The following GLP1R variants were observed in gnomAD, a reference collection of about 807,000 sequenced individuals.
The protein encoded by GLP1R is glucagon like peptide 1 receptor, also known as glucagon-like peptide 1 receptor.
A neutral mutation model predicts 68.4 loss-of-function variants in GLP1R; 32 were observed. The observed-to-expected ratio is 0.47, with a 90% CI of 0.35 to 0.63. GLP1R has a LOEUF of 0.63. GLP1R is among the 20% of genes least tolerant of loss of function. The pLI is 0.00. For missense variants in GLP1R, 502 were observed against 594.9 expected (o/e 0.84, Z 1.62); for synonymous variants, 263 against 244.4 (o/e 1.08, Z -0.71).
At chr6:39,076,373 C>T (rs1562015425) in intron 7 of GLP1R, among the ~76,000 whole-genome samples, 2 of 152,082 alleles carry the variant, frequency 1.3e-5, no homozygotes, top group South Asian at 2.1e-4. Context: ...CTCATAAAGG[C>T]CTGTTACTAA....
chr6:39,072,574 G>A (rs1029096740), intron 5 of GLP1R, among the ~76,000 whole-genome samples: 2 of 152,180 alleles, frequency 1.3e-5, no homozygotes, highest in African/African-American at 4.8e-5. Context: ...AAATCTCTTT[G>A]GTTATGCAAG....
In GLP1R at chr6:39,089,712, G is replaced by A. The variant is rs935266291; in HGVS notation, c.*3639G>A. On this transcript the variant is annotated 3_prime_UTR_variant, in exon 13 of 13. Coordinates refer to ENST00000373256, the MANE Select transcript of GLP1R (RefSeq NM_002062.5). The surrounding 1 kb of genome is among the most constrained non-coding windows in gnomAD (Gnocchi z 4.1). ...TGATGACTCCAGAATCATCACACCCGCTGTGCAGGTCATAGGACCGCACAC... is the reference window on the plus strand; with the variant it reads ...TGATGACTCCAGAATCATCACACCCACTGTGCAGGTCATAGGACCGCACAC... Among the ~76,000 whole-genome samples, 5 of 152,108 alleles carry A rather than the reference G, an allele frequency of 3.3e-5. No individual in the cohort carries two copies. Among genetic ancestry groups the A allele is most frequent in the South Asian group, 2.1e-4 (1 of 4,820 alleles).
At position 39,079,421 on chromosome 6, in the gene GLP1R, A is replaced by T; in HGVS notation, c.1044-143A>T. 1.1e-6 allele frequency: 1 copy of T among 904,692 alleles called. No individual in the cohort carries two copies. Among genetic ancestry groups the T allele is most frequent in the South Asian group, 1.7e-5 (1 of 58,188 alleles). The allele number at this position is 904,692 out of a possible 1,614,324, so 56.0% of individuals were successfully genotyped here. ...TGACCTCTATTCTTTCCCTCCAGGCAGCCTGTCCCAGGGTATTTGGGGTGG... is the reference window on the plus strand; with the variant it reads ...TGACCTCTATTCTTTCCCTCCAGGCTGCCTGTCCCAGGGTATTTGGGGTGG... On this transcript the variant is annotated intron_variant, in intron 10 of 12. Transcript: ENST00000373256. The surrounding 1 kb of genome is among the most constrained non-coding windows in gnomAD (Gnocchi z 4.5).
intron 3 of GLP1R, among the ~76,000 whole-genome samples, chr6:39,065,025 G>C (rs1190367240): frequency 6.6e-5 from 10 of 152,110 alleles, no homozygotes; most frequent in Admixed American, 6.5e-4. Context: ...TTTTTCTATG[G>C]GGGATCTCCA....
chr6:39,067,653 G>A lies in GLP1R; in HGVS notation c.509+1350G>A, dbSNP rs750144885. On this transcript the variant is annotated intron_variant, in intron 5 of 12. Coordinates refer to ENST00000373256, the MANE Select transcript of GLP1R (RefSeq NM_002062.5). ...GGAGTGACACAACATTCAAACCATA[G>A]CATTCTGCCCCTGGCCCCCCCAAAT... 2.1e-4 allele frequency among the ~76,000 whole-genome samples: 32 copies of A among 152,188 alleles called. 1 individual carries two copies. Among genetic ancestry groups the A allele is most frequent in the Admixed American group, 1.3e-4 (2 of 15,280 alleles).
Position 39,065,748 on chromosome 6 carries a change from A to C in GLP1R, c.321A>C (p.Glu107Asp), listed in dbSNP as rs1159561886. The change falls in exon 4 of 13, where the codon GAA becomes GAC. Residue 107 changes from glutamate (E) to aspartate (D), a missense_variant. Transcript: ENST00000373256. ...ACGTGTACCGGTTCTGCACAGCTGA[A>C]GGCCTCTGGCTGCAGAAGGACAACT... is the stretch of plus-strand genomic sequence containing the variant. ...QGHVYRFCTA[E>D]GLWLQKDNSS... 6.3e-7 allele frequency: 1 copy of C among 1,579,818 alleles called. No homozygotes were observed. The highest frequency in any genetic ancestry group is 1.8e-5 in the Admixed American group (1 of 54,552).
At chr6:39,081,277 TAAGGTG>T (rs1489964550) in intron 12 of GLP1R, among the ~76,000 whole-genome samples, 1 of 152,176 alleles carries the variant, frequency 6.6e-6, no homozygotes, top group East Asian at 1.9e-4. Flanking sequence ...GCCTTTTGGC[TAAGGTG>T]AAGTGTGGAA....
chr6:39,072,230 T>C (rs1768688685), intron 5 of GLP1R, among the ~76,000 whole-genome samples: 1 of 152,214 alleles, frequency 6.6e-6, no homozygotes, highest in South Asian at 2.1e-4. Context: ...TGCCTTATTA[T>C]AGTGGGCAGG....
At chr6:39,078,815 G>T in intron 8 of GLP1R, 142 bp from the exon 9 acceptor site, 1 of 728,800 alleles carries the variant, frequency 1.4e-6, no homozygotes, top group Admixed American at 1.9e-5. Flanking sequence ...GGGTCCATGG[G>T]ACTGGTTTTT....
intron 2 of GLP1R, 60 bp from the exon 3 acceptor site, chr6:39,057,411 GA>G: frequency 9.4e-7 from 1 of 1,066,898 alleles, no homozygotes; most frequent in Non-Finnish European, 1.4e-6. Flanking sequence ...TTGGGGAAGG[GA>G]GGGAAAGGGC....
At chr6:39,068,736 G>A (rs1768584107) in intron 5 of GLP1R, among the ~76,000 whole-genome samples, 1 of 152,030 alleles carries the variant, frequency 6.6e-6, no homozygotes, top group Non-Finnish European at 1.5e-5. Context: ...AGTGTAGGGA[G>A]CAGAGACAGG....
At chr6:39,073,116 G>A (rs1249152909) in intron 6 of GLP1R, 101 bp downstream of exon 6, 6 of 1,141,540 alleles carry the variant, frequency 5.3e-6, no homozygotes, top group Admixed American at 4.0e-5. Context: ...GACAAGAGCC[G>A]AACAGTCCTG....
At chr6:39,080,242 T>A (rs1415801219) in intron 11 of GLP1R, among the ~76,000 whole-genome samples, 1 of 152,200 alleles carries the variant, frequency 6.6e-6, no homozygotes, top group Non-Finnish European at 1.5e-5. Flanking sequence ...CATGTGTGTG[T>A]ATTTACATAC....
chr6:39,073,143 C>T, intron 6 of GLP1R, 128 bp downstream of exon 6: 1 of 825,828 alleles, frequency 1.2e-6, no homozygotes, highest in Non-Finnish European at 1.9e-6. Flanking sequence ...CGGGAGCCCC[C>T]AGTCTGATGG....
intron 5 of GLP1R, among the ~76,000 whole-genome samples, chr6:39,072,565 A>G (rs1413174525): frequency 2.6e-5 from 4 of 152,186 alleles, no homozygotes; most frequent in Non-Finnish European, 4.4e-5. Flanking sequence ...CTCATGCATA[A>G]ATCTCTTTGG....
At position 39,088,453 on chromosome 6, in the gene GLP1R, C is replaced by G. The variant is rs1321494962; in HGVS notation, c.*2380C>G. The stretch of plus-strand genomic sequence containing the variant: ...ATGCCTGATGCCTAATGCCATACGC[C>G]TGGAACTTGCTGAGAACTCTCGGCT... On this transcript the variant is annotated 3_prime_UTR_variant, in exon 13 of 13. Coordinates refer to ENST00000373256, the MANE Select transcript of GLP1R (RefSeq NM_002062.5). Among the ~76,000 whole-genome samples the G allele has an allele frequency of 6.6e-6, 1 of 152,166 alleles. No individual in the cohort carries two copies. Among genetic ancestry groups the G allele is most frequent in the Non-Finnish European group, 1.5e-5 (1 of 68,042 alleles).
At position 39,078,953 on chromosome 6, in the gene GLP1R, C is replaced by G. The variant is rs376187336; in HGVS notation, c.885-4C>G. 20 of 1,613,538 alleles carry G rather than the reference C, an allele frequency of 1.2e-5. No individual in the cohort carries two copies. The highest frequency in any genetic ancestry group is 1.6e-5 in the Non-Finnish European group (19 of 1,179,502). Reference sequence around the variant, plus strand: ...TGCATGTGTGCATCTCTCTCCCTCCCCAGCTGCTGGACCAGGAACTCCAAC... The same window carrying G: ...TGCATGTGTGCATCTCTCTCCCTCCGCAGCTGCTGGACCAGGAACTCCAAC... On this transcript the variant is annotated splice_polypyrimidine_tract_variant and splice_region_variant and intron_variant, in intron 8 of 12. Transcript: ENST00000373256.
At chr6:39,082,560 C>T (rs1302448747) in intron 12 of GLP1R, among the ~76,000 whole-genome samples, 1 of 152,178 alleles carries the variant, frequency 6.6e-6, no homozygotes, top group East Asian at 1.9e-4. Flanking sequence ...GCTCGTGACC[C>T]ACAGGAGGCA....
intron 1 of GLP1R, among the ~76,000 whole-genome samples, chr6:39,053,486 T>C (rs1022142063): frequency 8.5e-5 from 13 of 152,146 alleles, no homozygotes; most frequent in Admixed American, 8.5e-4. Context: ...GAGGAAGGGG[T>C]GGGGCCCCAG....
Sources: allele counts gnomAD v4.1 joint callset (sites outside exome capture counted in the v4.1 genomes callset), GRCh38; gene constraint gnomAD v4.1.1; non-coding constraint Gnocchi (gnomAD v3.1); transcripts MANE v1.5; gene names NCBI Gene and HGNC (gene_info 2026-07-23, HGNC 2026-07-21).